ABCA13: variants seen among roughly 807,000 people sequenced by gnomAD.
The protein encoded by ABCA13 is ATP binding cassette subfamily A member 13, also known as ATP-binding cassette sub-family A member 13.
ABCA13 carries 476 observed loss-of-function variants against 478.7 expected under a neutral mutation model. The observed-to-expected ratio is 0.99, with a 90% CI of 0.92 to 1.07. The LOEUF is 1.07. ABCA13 is among the 50% of genes least tolerant of loss of function. The pLI is 0.00. For missense variants in ABCA13, 6,060 were observed against 5,910.6 expected (o/e 1.03, Z -0.83); for synonymous variants, 2,252 against 2,158.9 (o/e 1.04, Z -1.20).
At chr7:48,555,808 T>G (rs1785762050) in intron 55 of ABCA13, among the ~76,000 whole-genome samples, 2 of 151,764 alleles carry the variant, frequency 1.3e-5, no homozygotes, top group South Asian at 4.1e-4. Context: ...TATTTCACAT[T>G]CATTTATTTC....
At chr7:48,542,275 A>T (rs1263187162) in intron 55 of ABCA13, among the ~76,000 whole-genome samples, 3 of 151,716 alleles carry the variant, frequency 2.0e-5, no homozygotes, top group Non-Finnish European at 4.4e-5. Context: ...AAGAAACAAG[A>T]CTGTTTATCA....
intron 24 of ABCA13, among the ~76,000 whole-genome samples, chr7:48,312,159 A>C (rs1241600741): frequency 6.6e-6 from 1 of 152,238 alleles, no homozygotes; most frequent in Non-Finnish European, 1.5e-5. Flanking sequence ...AGTCATCTGC[A>C]GAGCTAACAG....
intron 49 of ABCA13, 42 bp downstream of exon 49, chr7:48,506,432 G>A: frequency 6.2e-7 from 1 of 1,602,432 alleles, no homozygotes; most frequent in Non-Finnish European, 8.5e-7. Flanking sequence ...CCCTGACTAT[G>A]GAAGAAAATC....
chr7:48,383,393 A>T (rs1814699421), intron 35 of ABCA13, among the ~76,000 whole-genome samples: 1 of 152,240 alleles, frequency 6.6e-6, no homozygotes, highest in Non-Finnish European at 1.5e-5. Flanking sequence ...GTGTGCACAC[A>T]CACACGTATG....
At chr7:48,233,119 C>T (rs1526105) in intron 7 of ABCA13, among the ~76,000 whole-genome samples, 80,442 of 151,966 alleles carry the variant, frequency 0.53, 21,980 homozygotes, top group African/African-American at 0.64. Flanking sequence ...CCATCTTTAA[C>T]ACCTTCCTGA....
intron 57 of ABCA13, among the ~76,000 whole-genome samples, chr7:48,590,433 ATGT>A (rs1228789483): frequency 2.6e-5 from 4 of 152,078 alleles, no homozygotes; most frequent in Non-Finnish European, 5.9e-5. Flanking sequence ...TCTGTAAATA[ATGT>A]TGTCATGAAT....
intron 43 of ABCA13, among the ~76,000 whole-genome samples, chr7:48,461,955 A>G (rs4917143): frequency 0.19 from 28,529 of 152,058 alleles, 3,105 homozygotes; most frequent in African/African-American, 0.29. Context: ...TGATCCCTAC[A>G]AACAGATGGG....
At chr7:48,194,794 A>G in intron 2 of ABCA13, among the ~76,000 whole-genome samples, 1 of 246 alleles carries the variant, frequency 4.1e-3, no homozygotes, top group East Asian at 0.12. Context: ...GGAAAAATGT[A>G]AAACCCATGT....
At chr7:48,208,746 A>G (rs1423545839) in intron 3 of ABCA13, among the ~76,000 whole-genome samples, 1 of 152,108 alleles carries the variant, frequency 6.6e-6, no homozygotes, top group African/African-American at 2.4e-5. Flanking sequence ...ATCATGTTAT[A>G]TGCAAACAAG....
chr7:48,413,033 G>A (rs1235592648), intron 41 of ABCA13, among the ~76,000 whole-genome samples: 4 of 151,716 alleles, frequency 2.6e-5, no homozygotes, highest in Admixed American at 6.6e-5. Flanking sequence ...GGATGGTCTC[G>A]ATCCCCTGAC....
chr7:48,629,575 CA>C (rs11392411), intron 59 of ABCA13, among the ~76,000 whole-genome samples: 9,269 of 66,828 alleles, frequency 0.14, 254 homozygotes, highest in East Asian at 0.25. Flanking sequence ...TACATTTTGG[CA>C]AAAAAAAAAA....
In ABCA13 at chr7:48,223,977, AGAG is replaced by A. The variant is rs1476319354; in HGVS notation, c.468+2669_468+2671del. ...CGGTCTCAAAAAAAAAAAAAAAAAA[AGAG>A]AGAGAGAGAGAGAATGGGGGCAGGT... On this transcript the variant is annotated intron_variant, in intron 5 of 61. Transcript: ENST00000435803. Among the ~76,000 whole-genome samples the A allele has an allele frequency of 2.1e-3, 287 of 136,536 alleles. 2 individuals are homozygous for A. The highest frequency in any genetic ancestry group is 7.7e-3 in the African/African-American group (273 of 35,626). 89.6% of individuals were successfully genotyped at this position (136,536 alleles called of 152,430 possible).
chr7:48,222,063 G>A (rs1183955072), intron 5 of ABCA13, among the ~76,000 whole-genome samples: 1 of 152,142 alleles, frequency 6.6e-6, no homozygotes, highest in Non-Finnish European at 1.5e-5. Context: ...AAAAAAATAT[G>A]CCATAAAACC....
At chr7:48,502,203 CAG>C (rs1165718833) in intron 48 of ABCA13, among the ~76,000 whole-genome samples, 2 of 152,086 alleles carry the variant, frequency 1.3e-5, no homozygotes, top group Non-Finnish European at 2.9e-5. Flanking sequence ...ACTACAGGAG[CAG>C]TCAATCATTT....
Position 48,310,145 on chromosome 7 carries a change from T to C in ABCA13, c.9516+4T>C. The C allele has an allele frequency of 1.9e-6, 3 of 1,600,036 alleles. No individual in the cohort carries two copies. The highest frequency in any genetic ancestry group is 1.7e-6 in the Non-Finnish European group (2 of 1,172,026). ...TGTGCGAGCTTTCATTTACAAGGTA[T>C]GGAGAGCATGCTGGCTGGGGGCAGT... On this transcript the variant is annotated splice_donor_region_variant and intron_variant, in intron 24 of 61. Transcript: ENST00000435803.
At chr7:48,463,459 A>G (rs1254139521) in intron 43 of ABCA13, among the ~76,000 whole-genome samples, 3 of 152,082 alleles carry the variant, frequency 2.0e-5, no homozygotes, top group African/African-American at 7.2e-5. Flanking sequence ...GGGTCCAGCG[A>G]GAGAGGGGAG....
chr7:48,213,752 C>CT (rs1239151119), intron 3 of ABCA13, among the ~76,000 whole-genome samples: 1 of 152,206 alleles, frequency 6.6e-6, no homozygotes, highest in Non-Finnish European at 1.5e-5. Context: ...ATGTAATATT[C>CT]TAAATCCTTT....
At chr7:48,487,618 T>G (rs950671675) in intron 47 of ABCA13, among the ~76,000 whole-genome samples, 4 of 152,172 alleles carry the variant, frequency 2.6e-5, no homozygotes, top group African/African-American at 9.7e-5. Context: ...ATTTGAACAG[T>G]TAAGGGAATC....
At chr7:48,564,997 G>A (rs1400078700) in intron 55 of ABCA13, among the ~76,000 whole-genome samples, 1 of 152,048 alleles carries the variant, frequency 6.6e-6, no homozygotes, top group Admixed American at 6.6e-5. Context: ...TTTCTGGATA[G>A]TTTTTAAAAC....
Sources: allele counts gnomAD v4.1 joint callset (sites outside exome capture counted in the v4.1 genomes callset), GRCh38; gene constraint gnomAD v4.1.1; transcripts MANE v1.5; gene names NCBI Gene and HGNC (gene_info 2026-07-23, HGNC 2026-07-21).